Variants in DLG5 observed in about 807,000 individuals in gnomAD.
The protein encoded by DLG5 is disks large homolog 5.
Under a neutral mutation model 189.8 loss-of-function variants are expected in DLG5, and 48 were observed. The observed-to-expected ratio is 0.25, with a 90% CI of 0.20 to 0.32. The LOEUF (loss-of-function observed/expected upper bound fraction) is 0.32, where lower values mean the gene tolerates loss of function less well. Among genes scored for constraint, DLG5 ranks in the 10% least tolerant of loss-of-function variants. The pLI is 1.00. For synonymous variants in DLG5, 1,016 were observed against 1,054.1 expected (o/e 0.96, Z 0.70); for missense variants, 2,160 against 2,544.7 (o/e 0.85, Z 3.25).
chr10:77,845,822 C>T (rs1481850199), intron 5 of DLG5, among the ~76,000 whole-genome samples: 1 of 151,324 alleles, frequency 6.6e-6, no homozygotes, highest in African/African-American at 2.4e-5. Flanking sequence ...GTATCTCAGG[C>T]AGTCAAAATC....
At chr10:77,826,729 C>T (rs1842655789) in intron 13 of DLG5, among the ~76,000 whole-genome samples, 1 of 152,176 alleles carries the variant, frequency 6.6e-6, no homozygotes, top group Non-Finnish European at 1.5e-5. Flanking sequence ...AGGTGGATCA[C>T]CTGACGTCAG....
chr10:77,852,458 C>T (rs1844026449), intron 5 of DLG5, among the ~76,000 whole-genome samples: 1 of 152,180 alleles, frequency 6.6e-6, no homozygotes, highest in Non-Finnish European at 1.5e-5. Flanking sequence ...CTCTGTCACC[C>T]AGGCTGGAGT....
chr10:77,877,856 G>A (rs1845149642), intron 1 of DLG5, among the ~76,000 whole-genome samples: 5 of 112,854 alleles, frequency 4.4e-5, no homozygotes, highest in Non-Finnish European at 8.1e-5. Context: ...TGAAGGAGTG[G>A]AGCAGCGCCT....
intron 1 of DLG5, among the ~76,000 whole-genome samples, chr10:77,895,901 A>C (rs986137827): frequency 1.3e-5 from 2 of 152,208 alleles, no homozygotes; most frequent in African/African-American, 4.8e-5. Context: ...GACATAAAAC[A>C]GAGAAAAACC....
intron 15 of DLG5, 101 bp downstream of exon 15, chr10:77,820,981 C>T: frequency 6.9e-7 from 1 of 1,451,086 alleles, no homozygotes; most frequent in South Asian, 1.4e-5. Flanking sequence ...CCAGGCTAAA[C>T]AGGGGCCTGG....
Position 77,919,459 on chromosome 10 carries a change from T to G in DLG5, c.304+6758A>C, listed in dbSNP as rs1846469855. Reference sequence around the variant, plus strand: ...CCCACAGGAATGAGCAAGTCTCCCGTCAATGCTCAACCTCTTCTGTTTTGA... The same window carrying G: ...CCCACAGGAATGAGCAAGTCTCCCGGCAATGCTCAACCTCTTCTGTTTTGA... On this transcript the variant is annotated intron_variant, in intron 1 of 31. Transcript: ENST00000372391. Among the ~76,000 whole-genome samples the G allele has an allele frequency of 1.3e-5, 2 of 150,846 alleles. 1 individual carries two copies. Among genetic ancestry groups the G allele is most frequent in the Non-Finnish European group, 2.9e-5 (2 of 67,884 alleles).
rs1474735579 is a variant in DLG5 at position 77,812,259 on chromosome 10, T to C, written c.4144A>G (p.Ile1382Val). The change falls in exon 21 of 32, where the codon ATC becomes GTC. Residue 1382 changes from isoleucine (I) to valine (V), a missense_variant. By Grantham distance (29) the Ile-to-Val change is conservative (BLOSUM62 3). Transcript: ENST00000372391. ...TACTCGAGGCCAGCCTGGTGAGCGA[T>C]GCTCCCCACGGTCACCTTGGAGACG... The part of the protein sequence containing the change: ...IYVSKVTVGS[I>V]AHQAGLEYGD... 2 of 1,614,010 alleles carry C rather than the reference T, an allele frequency of 1.2e-6. No homozygotes were observed. The highest frequency in any genetic ancestry group is 2.7e-5 in the African/African-American group (2 of 74,938).
intron 1 of DLG5, among the ~76,000 whole-genome samples, chr10:77,880,406 A>T (rs1049435549): frequency 2.0e-5 from 3 of 152,230 alleles, no homozygotes; most frequent in Non-Finnish European, 2.9e-5. Flanking sequence ...GTGAGCTGAG[A>T]TTGCACCACT....
intron 1 of DLG5, among the ~76,000 whole-genome samples, chr10:77,880,934 G>A (rs1461678262): frequency 7.1e-6 from 1 of 140,610 alleles, no homozygotes; most frequent in African/African-American, 2.6e-5. Flanking sequence ...CCCAACTCAA[G>A]CAGGACTCTC....
intron 9 of DLG5, among the ~76,000 whole-genome samples, chr10:77,832,401 CT>C (rs1335976178): frequency 1.3e-5 from 2 of 152,232 alleles, no homozygotes; most frequent in Non-Finnish European, 2.9e-5. Flanking sequence ...CTTGTGTTTC[CT>C]GCTCCAGCAG....
At chr10:77,866,105 G>A (rs1362909936) in intron 2 of DLG5, among the ~76,000 whole-genome samples, 2 of 152,290 alleles carry the variant, frequency 1.3e-5, no homozygotes, top group East Asian at 3.9e-4. Flanking sequence ...AGGGCGGTGT[G>A]TGCTTGCAAA....
intron 24 of DLG5, among the ~76,000 whole-genome samples, chr10:77,808,719 C>T (rs1841601628): frequency 6.6e-6 from 1 of 152,228 alleles, no homozygotes. Context: ...AGGCTCTGCC[C>T]TCAGGTTCCC....
intron 9 of DLG5, among the ~76,000 whole-genome samples, chr10:77,833,355 T>TA (rs11446086): frequency 0.72 from 110,105 of 151,882 alleles, 40,554 homozygotes; most frequent in African/African-American, 0.85. Context: ...TTTAAAACTC[T>TA]AATCACAATC....
rs767758505 is a variant in DLG5, at chr10:77,835,725, G to A, written c.1622+13C>T. 29 of 1,600,782 alleles carry A rather than the reference G, an allele frequency of 1.8e-5. No individual in the cohort carries two copies. The South Asian group carries it at 3.0e-4, about 16-fold the overall frequency. Reference sequence around the variant, plus strand: ...GAGACGCAAGCCCACGCCAGCTTGAGGTCACCCCATACCGGATGCTGTCAC... The same window carrying A: ...GAGACGCAAGCCCACGCCAGCTTGAAGTCACCCCATACCGGATGCTGTCAC... On this transcript the variant is annotated intron_variant, in intron 8 of 31. Coordinates refer to ENST00000372391, the MANE Select transcript of DLG5 (RefSeq NM_004747.4).
chr10:77,930,814 ATTT>A (rs35563477), upstream of DLG5, among the ~76,000 whole-genome samples: 2 of 91,628 alleles, frequency 2.2e-5, no homozygotes, highest in African/African-American at 4.4e-5. Flanking sequence ...CACCTGGCTA[ATTT>A]TTTTTTTTTT....
At chr10:77,885,096 T>A (rs541937976) in intron 1 of DLG5, among the ~76,000 whole-genome samples, 309 of 152,216 alleles carry the variant, frequency 2.0e-3, no homozygotes, top group Non-Finnish European at 3.3e-3. Flanking sequence ...CAAATAAAGA[T>A]AAAACAGCAC....
chr10:77,864,018 C>T (rs958754366), intron 2 of DLG5, among the ~76,000 whole-genome samples: 2 of 152,164 alleles, frequency 1.3e-5, no homozygotes, highest in Admixed American at 6.5e-5. Flanking sequence ...GACCTTGGGG[C>T]GGCCAGCCTC....
chr10:77,828,664 T>C (rs1268353664), intron 13 of DLG5, among the ~76,000 whole-genome samples: 2 of 152,124 alleles, frequency 1.3e-5, no homozygotes, highest in African/African-American at 2.4e-5. Flanking sequence ...GTGGTAGCAA[T>C]GCAATTGATT....
At chr10:77,855,848 A>G (rs2154576736) in intron 3 of DLG5, among the ~76,000 whole-genome samples, 1 of 152,298 alleles carries the variant, frequency 6.6e-6, no homozygotes, top group African/African-American at 2.4e-5. Context: ...GACCTCTACC[A>G]GCATGGGAGC....
Sources: gnomAD v4.1 joint callset for allele counts (sites outside exome capture counted in the v4.1 genomes callset) on GRCh38, gnomAD v4.1.1 for gene constraint, MANE v1.5 for transcripts, NCBI Gene and HGNC (gene_info 2026-07-23, HGNC 2026-07-21) for gene names.